Variants in VPS36 observed in about 807,000 individuals in gnomAD.
VPS36 encodes vacuolar protein-sorting-associated protein 36.
In VPS36, 31 loss-of-function variants were observed where a neutral mutation model predicts 63.5. That is an observed-to-expected ratio of 0.49 (90% CI 0.37 to 0.66). The LOEUF (loss-of-function observed/expected upper bound fraction) is 0.66, where lower values mean the gene tolerates loss of function less well. Ranked by LOEUF, VPS36 falls within the 30% of genes least tolerant of loss-of-function variation. The probability of loss-of-function intolerance (pLI) is 0.00; values close to 1 mark genes in which losing one functional copy is unlikely to be tolerated. For missense variants in VPS36, 338 were observed against 463.7 expected (o/e 0.73, Z 2.49); for synonymous variants, 138 against 157.2 (o/e 0.88, Z 0.91).
chr13:52,420,352 A>C (rs530243470), intron 10 of VPS36, among the ~76,000 whole-genome samples: 1 of 151,688 alleles, frequency 6.6e-6, no homozygotes, highest in East Asian at 1.9e-4. Context: ...TTATTTTTTG[A>C]GATGCAGTCT....
At chr13:52,430,900 AAAAG>A (rs1958148546) in intron 6 of VPS36, among the ~76,000 whole-genome samples, 2 of 152,216 alleles carry the variant, frequency 1.3e-5, no homozygotes, top group Admixed American at 6.5e-5. Flanking sequence ...GACCAAAAAA[AAAAG>A]AAAGAAAGTA....
At position 52,420,823 on chromosome 13, in the gene VPS36, T is replaced by G. The variant is rs143235596; in HGVS notation, c.840+2751A>C. ...TTATGTATCCATAAAAAAGAAAAAATAAAAATTTGGGGGCCGGGCATGGCG... is the reference window on the plus strand; with the variant it reads ...TTATGTATCCATAAAAAAGAAAAAAGAAAAATTTGGGGGCCGGGCATGGCG... On this transcript the variant is annotated intron_variant, in intron 10 of 13. Transcript: ENST00000378060. Among the ~76,000 whole-genome samples, 372 of 151,918 alleles carry G rather than the reference T, an allele frequency of 2.4e-3. 1 individual carries two copies. The highest frequency in any genetic ancestry group is 8.6e-3 in the African/African-American group (356 of 41,422).
chr13:52,434,509 C>A (rs186064479), intron 5 of VPS36, among the ~76,000 whole-genome samples: 1 of 152,268 alleles, frequency 6.6e-6, no homozygotes, highest in East Asian at 1.9e-4. Context: ...CAGGCGTGCA[C>A]CAACCTGCCT....
At chr13:52,423,466 T>C in intron 10 of VPS36, 108 bp downstream of exon 10, 2 of 926,186 alleles carry the variant, frequency 2.2e-6, no homozygotes, top group South Asian at 1.4e-5. Context: ...ACCACAGTGC[T>C]TCTCAAAATA....
chr13:52,424,557 C>T (rs1477609007), intron 9 of VPS36, among the ~76,000 whole-genome samples: 1 of 152,118 alleles, frequency 6.6e-6, no homozygotes, highest in Non-Finnish European at 1.5e-5. Flanking sequence ...CTTCAGGAAA[C>T]ACACGGTGGG....
At chr13:52,436,891 C>T (rs911652125) in intron 3 of VPS36, among the ~76,000 whole-genome samples, 3 of 152,162 alleles carry the variant, frequency 2.0e-5, no homozygotes, top group African/African-American at 4.8e-5. Flanking sequence ...GAAAATGCCA[C>T]TCAATCAACA....
At chr13:52,448,447 C>T (rs1377102749) in intron 1 of VPS36, among the ~76,000 whole-genome samples, 3 of 152,212 alleles carry the variant, frequency 2.0e-5, no homozygotes, top group African/African-American at 7.2e-5. Context: ...CAGCAAGTCA[C>T]TAAGTCCAGC....
At chr13:52,427,363 T>C in intron 6 of VPS36, 144 bp from the exon 7 acceptor site, 1 of 753,350 alleles carries the variant, frequency 1.3e-6, no homozygotes, top group East Asian at 2.8e-5. Flanking sequence ...CCCAGCACTC[T>C]GGGAGGCCGA....
intron 1 of VPS36, among the ~76,000 whole-genome samples, chr13:52,444,432 C>T (rs1958314620): frequency 6.6e-6 from 1 of 150,722 alleles, no homozygotes; most frequent in Non-Finnish European, 1.5e-5. Flanking sequence ...TGCACTCCAG[C>T]CTGGGTGACA....
Position 52,423,567 on chromosome 13 carries a change from T to C in VPS36, c.840+7A>G. On this transcript the variant is annotated splice_region_variant and intron_variant, in intron 10 of 13. Transcript: ENST00000378060. ...GTTAAAAGAGTATTTAAATTTTCTA[T>C]CCTTACTTCCATTCCTCGAGCTCGG... 6.2e-7 allele frequency: 1 copy of C among 1,609,790 alleles called. No homozygotes were observed. The highest frequency in any genetic ancestry group is 8.5e-7 in the Non-Finnish European group (1 of 1,177,122).
rs1958336511 is a variant in VPS36 at position 52,445,931 on chromosome 13, C to T, written c.97-3486G>A. Among the ~76,000 whole-genome samples, 3 of 84,066 alleles carry T rather than the reference C, an allele frequency of 3.6e-5. 1 individual carries two copies. The highest frequency in any genetic ancestry group is 6.4e-5 in the Non-Finnish European group (3 of 46,562). 55.2% of individuals were successfully genotyped at this position (84,066 alleles called of 152,430 possible). On this transcript the variant is annotated intron_variant, in intron 1 of 13. Transcript: ENST00000378060. Reference sequence around the variant, plus strand: ...CTCCAGCCTGGGCGACAGAGAAAGACTCTATCTCAAAAAAAAAAAAAAAAA... The same window carrying T: ...CTCCAGCCTGGGCGACAGAGAAAGATTCTATCTCAAAAAAAAAAAAAAAAA...
At chr13:52,446,817 T>C (rs866240332) in intron 1 of VPS36, among the ~76,000 whole-genome samples, 1 of 152,014 alleles carries the variant, frequency 6.6e-6, no homozygotes, top group African/African-American at 2.4e-5. Context: ...AATAGTATAG[T>C]TAGAAAATAT....
At chr13:52,423,527 G>GA in intron 10 of VPS36, 47 bp downstream of exon 10, 1 of 1,523,574 alleles carries the variant, frequency 6.6e-7, no homozygotes, top group East Asian at 2.3e-5. Context: ...TTTGTATTAA[G>GA]AAAATCTACA....
chr13:52,415,941 A>C lies in VPS36; in HGVS notation c.1068-18T>G, dbSNP rs1403505517. 3 of 1,613,246 alleles carry C rather than the reference A, an allele frequency of 1.9e-6. No individual in the cohort carries two copies. Among genetic ancestry groups the C allele is most frequent in the Non-Finnish European group, 2.5e-6 (3 of 1,179,866 alleles). On this transcript the variant is annotated intron_variant, in intron 13 of 13. Transcript: ENST00000378060. ...GCAGCAACCTAAAAAAAAACAACAA[A>C]AAAACCCCCACACAATTATCTGTTC...
In VPS36 at chr13:52,446,902, G is replaced by T. The variant is rs147338803; in HGVS notation, c.96+3597C>A. The stretch of plus-strand genomic sequence containing the variant: ...TAATTTTTTTTTTTTTTTTTGAGAT[G>T]GAGTTTCTTGTTGCCCAGGCTGGAG... On this transcript the variant is annotated intron_variant, in intron 1 of 13. Coordinates refer to ENST00000378060, the MANE Select transcript of VPS36 (RefSeq NM_016075.4). Among the ~76,000 whole-genome samples, 485 of 134,140 alleles carry T rather than the reference G, an allele frequency of 3.6e-3. 3 individuals are homozygous for T. The highest frequency in any genetic ancestry group is 0.012 in the African/African-American group (436 of 37,354). 88.0% of individuals were successfully genotyped at this position (134,140 alleles called of 152,430 possible). A position where few individuals can be genotyped will look rare whatever the true frequency, so the allele number is the denominator to read the frequency against.
chr13:52,431,779 A>AG (rs1555255481), intron 6 of VPS36, among the ~76,000 whole-genome samples: 223 of 148,426 alleles, frequency 1.5e-3, no homozygotes, highest in African/African-American at 4.9e-3. Flanking sequence ...AAAAAAAAAA[A>AG]AAAGAAAGAA....
At chr13:52,427,387 C>T (rs759616490) in intron 6 of VPS36, among the ~76,000 whole-genome samples, 168 bp from the exon 7 acceptor site, 3 of 152,154 alleles carry the variant, frequency 2.0e-5, no homozygotes, top group Admixed American at 2.0e-4. Flanking sequence ...AGGCAGATCA[C>T]GAGGTCAGGA....
rs1206190742 is a variant in VPS36, at chr13:52,417,976, G to A, written c.905+16C>T. ...CATGGTTGCAGGTGGCAAACTTCCT[G>A]CAGAGGTTCCTTTACCTGAGAGGTA... is the stretch of plus-strand genomic sequence containing the variant. On this transcript the variant is annotated intron_variant, in intron 11 of 13. Transcript: ENST00000378060. 3 of 1,610,382 alleles carry A rather than the reference G, an allele frequency of 1.9e-6. No individual in the cohort carries two copies. The highest frequency in any genetic ancestry group is 1.1e-5 in the South Asian group (1 of 89,920).
chr13:52,426,714 G>T (rs1241457554), intron 8 of VPS36, among the ~76,000 whole-genome samples: 1 of 152,134 alleles, frequency 6.6e-6, no homozygotes, highest in Non-Finnish European at 1.5e-5. Context: ...AATTAGCCGG[G>T]CGTGGTGGCA....
Sources: allele counts gnomAD v4.1 joint callset (sites outside exome capture counted in the v4.1 genomes callset), GRCh38; gene constraint gnomAD v4.1.1; transcripts MANE v1.5; gene names NCBI Gene and HGNC (gene_info 2026-07-23, HGNC 2026-07-21).